SLC6A11: variants seen among roughly 807,000 people sequenced by gnomAD.
SLC6A11 encodes the protein solute carrier family 6 member 11.
In SLC6A11, 25 loss-of-function variants were observed where a neutral mutation model predicts 74.8. That is an observed-to-expected ratio of 0.33 (90% confidence interval 0.24 to 0.47). The LOEUF (loss-of-function observed/expected upper bound fraction) is 0.47. Among genes scored for constraint, SLC6A11 ranks in the 20% least tolerant of loss-of-function variants. The pLI is 1.00. For missense variants in SLC6A11, 574 were observed against 837.0 expected (o/e 0.69, Z 3.88); for synonymous variants, 330 against 330.2 (o/e 1.00, Z 0.01).
chr3:10,817,768 C>A (rs1461497551), intron 1 of SLC6A11, among the ~76,000 whole-genome samples: 2 of 152,180 alleles, frequency 1.3e-5, no homozygotes, highest in East Asian at 3.9e-4. Context: ...TGCTCCAAGC[C>A]TGCTCTGCAC....
At chr3:10,885,917 C>T (rs1695037062) in intron 6 of SLC6A11, among the ~76,000 whole-genome samples, 1 of 152,196 alleles carries the variant, frequency 6.6e-6, no homozygotes, top group African/African-American at 2.4e-5. Flanking sequence ...ACATGGACTT[C>T]TGGGTCCCCT....
chr3:10,929,591 G>C (rs1695657196), intron 10 of SLC6A11, among the ~76,000 whole-genome samples: 1 of 152,138 alleles, frequency 6.6e-6, no homozygotes, highest in South Asian at 2.1e-4. Flanking sequence ...CACTCACCAG[G>C]GGAACGCTGG....
intron 5 of SLC6A11, among the ~76,000 whole-genome samples, chr3:10,860,702 G>A (rs1167950677): frequency 6.6e-6 from 1 of 152,234 alleles, no homozygotes; most frequent in Non-Finnish European, 1.5e-5. Flanking sequence ...GCCAGCTTAT[G>A]CATTCCTCCC....
At chr3:10,934,309 C>T in intron 12 of SLC6A11, 143 bp downstream of exon 12, 1 of 598,744 alleles carries the variant, frequency 1.7e-6, no homozygotes, top group South Asian at 2.1e-5. Context: ...CCTTACAAAG[C>T]TGCACCCATG....
intron 5 of SLC6A11, among the ~76,000 whole-genome samples, chr3:10,850,835 T>C (rs959099553): frequency 3.3e-5 from 5 of 152,086 alleles, no homozygotes; most frequent in Non-Finnish European, 7.4e-5. Flanking sequence ...GTGAATGGAC[T>C]GGTGGGGAGT....
At chr3:10,883,577 G>A (rs1196754275) in intron 6 of SLC6A11, among the ~76,000 whole-genome samples, 2 of 152,114 alleles carry the variant, frequency 1.3e-5, no homozygotes, top group African/African-American at 4.8e-5. Context: ...CACTGTGAGA[G>A]CACCTCAGAA....
intron 5 of SLC6A11, among the ~76,000 whole-genome samples, chr3:10,857,440 G>A (rs1468972467): frequency 2.6e-5 from 4 of 152,240 alleles, no homozygotes; most frequent in Non-Finnish European, 4.4e-5. Context: ...AGTGGAGGTG[G>A]CACCAACAGG....
At chr3:10,912,433 C>T (rs778646657) in intron 7 of SLC6A11, among the ~76,000 whole-genome samples, 3 of 152,222 alleles carry the variant, frequency 2.0e-5, no homozygotes, top group Non-Finnish European at 2.9e-5. Flanking sequence ...CTACCGGCAT[C>T]TCATTCAGGT....
chr3:10,905,850 G>C (rs1257462012), intron 6 of SLC6A11, among the ~76,000 whole-genome samples: 1 of 152,164 alleles, frequency 6.6e-6, no homozygotes, highest in African/African-American at 2.4e-5. Context: ...ATGTGTCTCA[G>C]CAGAAAAGCT....
chr3:10,838,870 G>T (rs1055064771), intron 4 of SLC6A11, among the ~76,000 whole-genome samples: 1 of 152,176 alleles, frequency 6.6e-6, no homozygotes, highest in Non-Finnish European at 1.5e-5. Flanking sequence ...GAAGCGAGAT[G>T]GGGGAGGGTG....
intron 7 of SLC6A11, among the ~76,000 whole-genome samples, chr3:10,914,498 A>T (rs1016790006): frequency 3.3e-5 from 5 of 152,192 alleles, no homozygotes; most frequent in African/African-American, 1.2e-4. Flanking sequence ...CAGGTCCAAC[A>T]TGCTGAAAAG....
In SLC6A11 at chr3:10,874,978, G is replaced by A. The variant is rs7620415; in HGVS notation, c.774G>A (p.Ala258=). The change falls in exon 6 of 14, where the codon GCG becomes GCA. Residue 258 remains alanine, a synonymous_variant. Transcript: ENST00000254488. ...KSTGKVVYVT[A]TFPYIMLLIL... ...GTGCACAGGTTGTATACGTGACTGC[G>A]ACATTCCCCTACATCATGCTGCTGA... 5.8e-3 allele frequency: 9,308 copies of A among 1,612,228 alleles called. 447 individuals carry two copies. In the African/African-American group the frequency reaches 0.11, roughly 19 times the overall value.
chr3:10,822,095 C>T (rs1407411193), intron 3 of SLC6A11, among the ~76,000 whole-genome samples: 1 of 152,238 alleles, frequency 6.6e-6, no homozygotes, highest in African/African-American at 2.4e-5. Flanking sequence ...TCCCCTTTCT[C>T]TAAAGGTGTG....
At chr3:10,821,211 G>C (rs112371673) in intron 3 of SLC6A11, among the ~76,000 whole-genome samples, 2 of 152,110 alleles carry the variant, frequency 1.3e-5, no homozygotes, top group African/African-American at 4.8e-5. Context: ...TTTAATTGTG[G>C]GTACTTATTT....
At chr3:10,828,122 A>G (rs1168295593) in intron 4 of SLC6A11, among the ~76,000 whole-genome samples, 1 of 152,210 alleles carries the variant, frequency 6.6e-6, no homozygotes, top group African/African-American at 2.4e-5. Context: ...GAATGCTATT[A>G]AGTGCATAAC....
chr3:10,870,597 A>T (rs1694817996), intron 5 of SLC6A11, among the ~76,000 whole-genome samples: 1 of 152,238 alleles, frequency 6.6e-6, no homozygotes, highest in African/African-American at 2.4e-5. Context: ...TTCTCAGGAA[A>T]AGTGAAAGAT....
At chr3:10,825,209 T>A (rs1217969104) in intron 4 of SLC6A11, 1 of 151,610 alleles carries the variant, frequency 6.6e-6, no homozygotes, top group Non-Finnish European at 1.5e-5. Flanking sequence ...TAATTTACAC[T>A]CCAAACAAGA....
At chr3:10,828,385 TG>T (rs1374690463) in intron 4 of SLC6A11, among the ~76,000 whole-genome samples, 1 of 152,238 alleles carries the variant, frequency 6.6e-6, no homozygotes, top group Admixed American at 6.5e-5. Context: ...TTATCTTCAC[TG>T]GAGGAGTTTT....
chr3:10,819,355 A>C (rs113170666), intron 1 of SLC6A11, 110 bp from the exon 2 acceptor site: 2 of 1,149,906 alleles, frequency 1.7e-6, no homozygotes, highest in Non-Finnish European at 2.5e-6. Flanking sequence ...CTTGAACTCA[A>C]GTTCAAAGAA....
Sources: gnomAD v4.1 joint callset for allele counts (sites outside exome capture counted in the v4.1 genomes callset) on GRCh38, gnomAD v4.1.1 for gene constraint, MANE v1.5 for transcripts, NCBI Gene and HGNC (gene_info 2026-07-23, HGNC 2026-07-21) for gene names.